Variants in HES6 observed in about 807,000 individuals in gnomAD.
HES6 encodes hes family bHLH transcription factor 6.
A neutral mutation model predicts 16.4 loss-of-function variants in HES6; 24 were observed. The ratio of observed to expected loss-of-function variants is 1.46; its 90% CI spans 1.06 to 2.06. HES6 has a LOEUF of 2.06. Ranked by LOEUF, HES6 falls within the 30% of genes most tolerant of loss-of-function variation. HES6 has a pLI of 0.00. For missense variants in HES6, 355 were observed against 317.6 expected (o/e 1.12, Z -0.90); for synonymous variants, 159 against 144.3 (o/e 1.10, Z -0.73).
Position 238,238,839 on chromosome 2 carries a change from C to T in HES6, c.663G>A (p.Trp221Ter), listed in dbSNP as rs757661824. 13 of 1,566,458 alleles carry T rather than the reference C, an allele frequency of 8.3e-6. No homozygotes were observed. Among genetic ancestry groups the T allele is most frequent in the Non-Finnish European group, 1.1e-5 (13 of 1,162,154 alleles). ...LTTAQIARSV[W>*]RPW ...TGGCTGGCATTGGTCACCAAGGCCT[C>T]CAGACACTCCGGGCAATTTGGGCTG... The change falls in exon 4 of 4, where the codon TGG becomes TGA. Residue 221 changes from tryptophan (W) to a stop codon, truncating the protein, a stop_gained. Coordinates refer to ENST00000272937, the MANE Select transcript of HES6 (RefSeq NM_018645.6). LOFTEE classifies it high-confidence loss of function.
chr2:238,239,082 G>A lies in HES6; in HGVS notation c.420C>T (p.Ser140=). Reference sequence around the variant, plus strand: ...GGGCGTCCCCCAGCAGATCCTGGAAGCTGCTGCCCTCACGCAGCGGCATGG... The same window carrying A: ...GGGCGTCCCCCAGCAGATCCTGGAAACTGCTGCCCTCACGCAGCGGCATGG... ...LESMPLREGS[S]FQDLLGDALA... Residue 140 remains serine, a synonymous_variant, in exon 4 of 4, where the codon AGC becomes AGT. Transcript: ENST00000272937. The A allele has an allele frequency of 6.2e-7, 1 of 1,612,536 alleles. No individual in the cohort carries two copies. The highest frequency in any genetic ancestry group is 1.1e-5 in the South Asian group (1 of 91,088).
Position 238,240,038 on chromosome 2 carries a change from T to C in HES6, c.-133A>G. 1 of 399,592 alleles carries C rather than the reference T, an allele frequency of 2.5e-6. No homozygotes were observed. Among genetic ancestry groups the C allele is most frequent in the Non-Finnish European group, 3.8e-6 (1 of 263,946 alleles). 24.8% of individuals were successfully genotyped at this position (399,592 alleles called of 1,614,324 possible). A position where few individuals can be genotyped will look rare whatever the true frequency, so the allele number is the denominator to read the frequency against. On this transcript the variant is annotated 5_prime_UTR_variant, in exon 1 of 4. Coordinates refer to ENST00000272937, the MANE Select transcript of HES6 (RefSeq NM_018645.6). ...CCAGCCGTCCGCGCTCCTCGCGGCT[T>C]CCGGCCCGCCGCGGTCCCGCCCCTT...
rs1376722946 is a variant in HES6 at position 238,239,248 on chromosome 2, C to T, written c.254G>A (p.Arg85His). Residue 85 changes from arginine to histidine, a missense_variant, in exon 4 of 4, where the codon CGC (arginine) becomes CAC (histidine). Coordinates refer to ENST00000272937, the MANE Select transcript of HES6 (RefSeq NM_018645.6). Reference protein sequence around the residue: ...QGVLRGRAREREQLQAEASER... With the variant: ...QGVLRGRAREHEQLQAEASER... ...GCTCGCTTCCGCCTGCAGCTGCTCG[C>T]GCTCTGGGCCCGAGGGTGGGAGGGA... The T allele has an allele frequency of 6.2e-7, 1 of 1,604,236 alleles. No individual in the cohort carries two copies. Among genetic ancestry groups the T allele is most frequent in the Admixed American group, 1.7e-5 (1 of 59,918 alleles).
Position 238,239,175 on chromosome 2 carries a change from C to A in HES6, c.327G>T (p.Thr109=), listed in dbSNP as rs777689480. The A allele has an allele frequency of 2.4e-5, 39 of 1,612,456 alleles. No individual in the cohort carries two copies. The highest frequency in any genetic ancestry group is 3.3e-5 in the Non-Finnish European group (39 of 1,179,890). Residue 109 remains threonine, a synonymous_variant, in exon 4 of 4, where the codon ACG becomes ACT. Transcript: ENST00000272937. The part of the protein sequence containing the change: ...GYIQCMHEVH[T]FVSTCQAIDA... The stretch of plus-strand genomic sequence containing the variant: ...CGATGGCCTGGCACGTGGACACGAA[C>A]GTGTGCACCTCGTGCATGCACTGGA...
Position 238,238,756 on chromosome 2 carries a change from G to A in HES6, c.*71C>T. The A allele has an allele frequency of 7.0e-7, 1 of 1,433,424 alleles. No individual in the cohort carries two copies. Among genetic ancestry groups the A allele is most frequent in the Non-Finnish European group, 9.4e-7 (1 of 1,061,152 alleles). The allele number at this position is 1,433,424 out of a possible 1,614,324, so 88.8% of individuals were successfully genotyped here. A position where few individuals can be genotyped will look rare whatever the true frequency, so the allele number is the denominator to read the frequency against. The stretch of plus-strand genomic sequence containing the variant: ...TCCAGGGCCCTACCCCACCACATCT[G>A]AACCCCTGGGAGGAGGGAGGAGATC... On this transcript the variant is annotated 3_prime_UTR_variant, in exon 4 of 4. Transcript: ENST00000272937.
Position 238,240,016 on chromosome 2 carries a change from G to T in HES6, c.-111C>A. 1.8e-6 allele frequency: 1 copy of T among 557,414 alleles called. No individual in the cohort carries two copies. The highest frequency in any genetic ancestry group is 5.5e-5 in the East Asian group (1 of 18,090). The allele number at this position is 557,414 out of a possible 1,614,324, so 34.5% of individuals were successfully genotyped here. A position where few individuals can be genotyped will look rare whatever the true frequency, so the allele number is the denominator to read the frequency against. On this transcript the variant is annotated 5_prime_UTR_variant, in exon 1 of 4. In the 5' UTR this introduces an upstream ATG that the reference lacks. Coordinates refer to ENST00000272937, the MANE Select transcript of HES6 (RefSeq NM_018645.6). ...CCCGCGGCCGCCCAGCAGCAGCCCAGCCGTCCGCGCTCCTCGCGGCTTCCG... is the reference window on the plus strand; with the variant it reads ...CCCGCGGCCGCCCAGCAGCAGCCCATCCGTCCGCGCTCCTCGCGGCTTCCG...
intron 2 of HES6, 43 bp from the exon 3 acceptor site, chr2:238,239,611 G>GACCC: frequency 1.8e-6 from 2 of 1,135,694 alleles, no homozygotes; most frequent in South Asian, 7.8e-5. Context: ...CGCGCTCCCG[G>GACCC]ACCCGCCCGC....
In HES6 at chr2:238,239,838, C is replaced by T. The variant is rs765055171; in HGVS notation, c.68G>A (p.Arg23Gln). 7.2e-7 allele frequency: 1 copy of T among 1,391,328 alleles called. No individual in the cohort carries two copies. The highest frequency in any genetic ancestry group is 1.5e-5 in the African/African-American group (1 of 67,502). 86.2% of individuals were successfully genotyped at this position (1,391,328 alleles called of 1,614,324 possible). ...GREDEDGWET[R>Q]GDRKARKPLV... ...CCCGGCCCGCACCTTGCGGTCCCCT[C>T]GCGTCTCCCAGCCGTCCTCATCCTC... Residue 23 changes from arginine to glutamine, a missense_variant, in exon 1 of 4, where the codon CGA becomes CAA. Arg to Gln is a conservative substitution (Grantham distance 43, BLOSUM62 1). Coordinates refer to ENST00000272937, the MANE Select transcript of HES6 (RefSeq NM_018645.6).
chr2:238,239,568 C>A lies in HES6; in HGVS notation c.169G>T (p.Val57Leu). Residue 57 changes from valine (V) to leucine (L), a missense_variant and splice_region_variant, in exon 3 of 4, where the codon GTG becomes TTG. Coordinates refer to ENST00000272937, the MANE Select transcript of HES6 (RefSeq NM_018645.6). ...TCGGCGTTCTCCAGCTTGGCCTGCA[C>A]CTGCGCGGGCGGGAAGGGCGGTGAG... ...ELRLLLAGAEVQAKLENAEVL... is the reference protein window; with the variant it reads ...ELRLLLAGAELQAKLENAEVL... 8.0e-7 allele frequency: 1 copy of A among 1,246,816 alleles called. No homozygotes were observed. Among genetic ancestry groups the A allele is most frequent in the Non-Finnish European group, 1.0e-6 (1 of 993,142 alleles). 77.2% of individuals were successfully genotyped at this position (1,246,816 alleles called of 1,614,324 possible). A position where few individuals can be genotyped will look rare whatever the true frequency, so the allele number is the denominator to read the frequency against.
chr2:238,239,898 G>T lies in HES6; in HGVS notation c.8C>A (p.Pro3Gln). The T allele has an allele frequency of 8.1e-7, 1 of 1,227,702 alleles. No homozygotes were observed. 76.1% of individuals were successfully genotyped at this position (1,227,702 alleles called of 1,614,324 possible). The stretch of plus-strand genomic sequence containing the variant: ...ACGGTCCCGGCCAGGCGCCGCGGGT[G>T]GCGCCATGCCCGCTCCGCCGGGGAC... MA[P>Q]PAAPGRDRVG... The change falls in exon 1 of 4, where the codon CCA becomes CAA. Residue 3 changes from proline (P) to glutamine (Q), a missense_variant. Coordinates refer to ENST00000272937, the MANE Select transcript of HES6 (RefSeq NM_018645.6).
chr2:238,239,247 G>C lies in HES6; in HGVS notation c.255C>G (p.Arg85=), dbSNP rs765662044. The C allele has an allele frequency of 1.2e-6, 2 of 1,604,398 alleles. No individual in the cohort carries two copies. Among genetic ancestry groups the C allele is most frequent in the Non-Finnish European group, 1.7e-6 (2 of 1,178,784 alleles). The change falls in exon 4 of 4, where the codon CGC becomes CGG. Residue 85 remains arginine (R), a synonymous_variant. Coordinates refer to ENST00000272937, the MANE Select transcript of HES6 (RefSeq NM_018645.6). ...QGVLRGRARE[R]EQLQAEASER... ...CGCTCGCTTCCGCCTGCAGCTGCTC[G>C]CGCTCTGGGCCCGAGGGTGGGAGGG... is the stretch of plus-strand genomic sequence containing the variant.
chr2:238,239,287 C>A (rs750639673), intron 3 of HES6, 36 bp from the exon 4 acceptor site: 3 of 1,583,350 alleles, frequency 1.9e-6, no homozygotes. Flanking sequence ...AGCCGCGTCC[C>A]GCGCGGTGAG....
In HES6 at chr2:238,239,486, C is replaced by A. The variant is rs1695252124; in HGVS notation, c.250+1G>T. 1 of 1,285,344 alleles carries A rather than the reference C, an allele frequency of 7.8e-7. No homozygotes were observed. 79.6% of individuals were successfully genotyped at this position (1,285,344 alleles called of 1,614,324 possible). On this transcript the variant is annotated splice_donor_variant, in intron 3 of 3. Transcript: ENST00000272937. LOFTEE classifies it high-confidence loss of function. Reference sequence around the variant, plus strand: ...CCCCCGCCCGCCCCGCCGCCACTCACCGCGCGCCCGGCCCCGCAGCACACC... The same window carrying A: ...CCCCCGCCCGCCCCGCCGCCACTCAACGCGCGCCCGGCCCCGCAGCACACC...
intron 2 of HES6, 43 bp from the exon 3 acceptor site, chr2:238,239,611 G>GGGGGGGCCCCCCCCCC: frequency 8.8e-7 from 1 of 1,135,676 alleles, no homozygotes; most frequent in Non-Finnish European, 1.1e-6. Context: ...CGCGCTCCCG[G>GGGGGGGCCCCCCCCCC]ACCCGCCCGC....
Position 238,239,119 on chromosome 2 carries a change from T to TC in HES6, c.382_383insG (p.His128ArgfsTer10). 6.2e-7 allele frequency: 1 copy of TC among 1,612,626 alleles called. No individual in the cohort carries two copies. The highest frequency in any genetic ancestry group is 8.5e-7 in the Non-Finnish European group (1 of 1,179,902). On this transcript the variant is annotated frameshift_variant, in exon 4 of 4. Coordinates refer to ENST00000272937, the MANE Select transcript of HES6 (RefSeq NM_018645.6). LOFTEE classifies it high-confidence loss of function. ...ACGCAGCGGCATGGACTCGAGCAGA[T>TC]GGTTCAGGAGCTCGGCAGCGACGGT... is the stretch of plus-strand genomic sequence containing the variant.
chr2:238,239,976 G>A lies in HES6; in HGVS notation c.-71C>T, dbSNP rs1695274911. On this transcript the variant is annotated 5_prime_UTR_variant, in exon 1 of 4. Transcript: ENST00000272937. ...GGGGAGCGGCGGGGACCGGAGTGCCGGCGCCCTCCGCTGCCCCGCGGCCGC... is the reference window on the plus strand; with the variant it reads ...GGGGAGCGGCGGGGACCGGAGTGCCAGCGCCCTCCGCTGCCCCGCGGCCGC... The A allele has an allele frequency of 1.0e-6, 1 of 1,001,706 alleles. No individual in the cohort carries two copies. The highest frequency in any genetic ancestry group is 1.3e-6 in the Non-Finnish European group (1 of 795,556). The allele number at this position is 1,001,706 out of a possible 1,614,324, so 62.1% of individuals were successfully genotyped here.
In HES6 at chr2:238,238,752, A is replaced by G; in HGVS notation, c.*75T>C. 1.4e-6 allele frequency: 2 copies of G among 1,422,362 alleles called. No homozygotes were observed. The highest frequency in any genetic ancestry group is 1.9e-6 in the Non-Finnish European group (2 of 1,051,558). The allele number at this position is 1,422,362 out of a possible 1,614,324, so 88.1% of individuals were successfully genotyped here. A position where few individuals can be genotyped will look rare whatever the true frequency, so the allele number is the denominator to read the frequency against. ...GACTTCCAGGGCCCTACCCCACCAC[A>G]TCTGAACCCCTGGGAGGAGGGAGGA... On this transcript the variant is annotated 3_prime_UTR_variant, in exon 4 of 4. Transcript: ENST00000272937.
In HES6 at chr2:238,238,530, C is replaced by G. The variant is rs9776; in HGVS notation, c.*297G>C. On this transcript the variant is annotated 3_prime_UTR_variant, in exon 4 of 4. Transcript: ENST00000272937. ...CAGAGCCCGCACAGGGCTGGTGAAG[C>G]CTGGGTGGGTGAACCTGGGAGAGCG... 119,094 of 430,880 alleles carry G rather than the reference C, an allele frequency of 0.28. 18,715 individuals carry two copies. Among genetic ancestry groups the G allele is most frequent in the Non-Finnish European group, 0.34 (81,748 of 240,674 alleles). 26.7% of individuals were successfully genotyped at this position (430,880 alleles called of 1,614,324 possible).
chr2:238,239,931 G>T lies in HES6; in HGVS notation c.-26C>A. ...GCCCGCTCCGCCGGGGACGCGGCAGGGGCTAGGAGCAGCGGGGACGGGGAG... is the reference window on the plus strand; with the variant it reads ...GCCCGCTCCGCCGGGGACGCGGCAGTGGCTAGGAGCAGCGGGGACGGGGAG... On this transcript the variant is annotated 5_prime_UTR_variant, in exon 1 of 4. Coordinates refer to ENST00000272937, the MANE Select transcript of HES6 (RefSeq NM_018645.6). 3.4e-6 allele frequency: 4 copies of T among 1,193,624 alleles called. No individual in the cohort carries two copies. The highest frequency in any genetic ancestry group is 4.2e-6 in the Non-Finnish European group (4 of 962,018). 73.9% of individuals were successfully genotyped at this position (1,193,624 alleles called of 1,614,324 possible). A position where few individuals can be genotyped will look rare whatever the true frequency, so the allele number is the denominator to read the frequency against.
Sources: gnomAD v4.1 joint callset for allele counts on GRCh38, gnomAD v4.1.1 for gene constraint, MANE v1.5 for transcripts, NCBI Gene and HGNC (gene_info 2026-07-23, HGNC 2026-07-21) for gene names.